The following C3orf20 variants were observed in gnomAD, a reference collection of about 807,000 sequenced individuals.
C3orf20 encodes the protein uncharacterized protein C3orf20.
In C3orf20, 76 loss-of-function variants were observed where a neutral mutation model predicts 88.3. The ratio of observed to expected loss-of-function variants is 0.86; its 90% confidence interval spans 0.72 to 1.04. The LOEUF (loss-of-function observed/expected upper bound fraction) is 1.04, where lower values mean the gene tolerates loss of function less well. Ranked by LOEUF, C3orf20 falls within the 50% of genes least tolerant of loss-of-function variation. The pLI, the probability that C3orf20 is intolerant of heterozygous loss-of-function variation, is 0.00. For missense variants in C3orf20, 1,056 were observed against 1,123.3 expected, an observed-to-expected ratio of 0.94 and a Z score of 0.86; for synonymous variants, 436 against 437.4, an observed-to-expected ratio of 1.00 and a Z score of 0.04.
chr3:14,756,028 C>CAAA (rs56242160), intron 12 of C3orf20, among the ~76,000 whole-genome samples: 3 of 72,726 alleles, frequency 4.1e-5, no homozygotes, highest in Non-Finnish European at 7.7e-5. Context: ...GACTCCATCT[C>CAAA]AAAAAAAAAA....
chr3:14,769,982 A>C (rs1406654719), intron 15 of C3orf20, among the ~76,000 whole-genome samples: 1 of 152,140 alleles, frequency 6.6e-6, no homozygotes, highest in African/African-American at 2.4e-5. Context: ...CTTCTTTCCG[A>C]GCCTTTTCCC....
intron 12 of C3orf20, among the ~76,000 whole-genome samples, chr3:14,750,785 T>C (rs183848774): frequency 6.7e-6 from 1 of 148,984 alleles, no homozygotes; most frequent in Admixed American, 6.6e-5. Context: ...TAGATCTCTT[T>C]GAATTTATCC....
chr3:14,726,996 G>T lies in C3orf20; in HGVS notation c.1662G>T (p.Gln554His). Residue 554 changes from glutamine (Q) to histidine (H), a missense_variant, in exon 11 of 17, where the codon CAG becomes CAT. Physicochemically the swap from Gln to His is conservative, Grantham distance 24. Transcript: ENST00000253697. Reference sequence around the variant, plus strand: ...AGCGGTTTCAGAAGACAGTGACTCAGTTCATTAATTCTATCTTGCTGGCCG... The same window carrying T: ...AGCGGTTTCAGAAGACAGTGACTCATTTCATTAATTCTATCTTGCTGGCCG... ...IKKRFQKTVT[Q>H]FINSILLAAG... 1 of 1,614,166 alleles carries T rather than the reference G, an allele frequency of 6.2e-7. No individual in the cohort carries two copies. Among genetic ancestry groups the T allele is most frequent in the Admixed American group, 1.7e-5 (1 of 60,022 alleles).
intron 15 of C3orf20, among the ~76,000 whole-genome samples, chr3:14,766,506 C>T (rs1356947737): frequency 2.0e-5 from 3 of 152,232 alleles, no homozygotes; most frequent in Admixed American, 2.0e-4. Context: ...TGCACCATGT[C>T]CACCTGCACA....
At chr3:14,681,505 C>T (rs1285407792) in intron 1 of C3orf20, among the ~76,000 whole-genome samples, 1 of 152,148 alleles carries the variant, frequency 6.6e-6, no homozygotes, top group African/African-American at 2.4e-5. Context: ...TGGAGTTGGG[C>T]AACAGGAACA....
intron 14 of C3orf20, among the ~76,000 whole-genome samples, chr3:14,760,206 C>A (rs2035517201): frequency 6.6e-6 from 1 of 152,234 alleles, no homozygotes; most frequent in Non-Finnish European, 1.5e-5. Flanking sequence ...AAGCCCAGGA[C>A]CCTATGTGTC....
chr3:14,686,794 A>G (rs1401567988), intron 4 of C3orf20, among the ~76,000 whole-genome samples: 3 of 152,218 alleles, frequency 2.0e-5, no homozygotes, highest in Non-Finnish European at 2.9e-5. Context: ...AAAAAATTCT[A>G]TCTCCTAACT....
At position 14,768,913 on chromosome 3, in the gene C3orf20, T is replaced by C. The variant is rs1475279038; in HGVS notation, c.2496-3154T>C. 2.0e-5 allele frequency among the ~76,000 whole-genome samples: 3 copies of C among 152,066 alleles called. No individual in the cohort carries two copies. Among genetic ancestry groups the C allele is most frequent in the Non-Finnish European group, 4.4e-5 (3 of 68,006 alleles). On this transcript the variant is annotated intron_variant, in intron 15 of 16. Coordinates refer to ENST00000253697, the MANE Select transcript of C3orf20 (RefSeq NM_032137.5). This position sits in a 1 kb window ranked among gnomAD's most constrained non-coding sequence, Gnocchi z 4.1. ...CAAGGATGGTCTCAGAATCAACCTC[T>C]AGATTAGTCTTCCAGAGAAGCACCT... is the stretch of plus-strand genomic sequence containing the variant.
At chr3:14,750,677 T>TA (rs2035194369) in intron 12 of C3orf20, among the ~76,000 whole-genome samples, 1 of 152,214 alleles carries the variant, frequency 6.6e-6, no homozygotes, top group Admixed American at 6.5e-5. Flanking sequence ...AATTGGCTAT[T>TA]AATCTTATTG....
At chr3:14,711,495 G>T (rs2033735073) in intron 7 of C3orf20, among the ~76,000 whole-genome samples, 1 of 151,842 alleles carries the variant, frequency 6.6e-6, no homozygotes, top group Admixed American at 6.6e-5. Flanking sequence ...CTGTCTTTTG[G>T]TTACAATTTG....
Position 14,764,762 on chromosome 3 carries a change from T to A in C3orf20, c.2495+3147T>A, listed in dbSNP as rs535705158. Reference sequence around the variant, plus strand: ...CTTCCTCACAACATGGTGGCTGGGTTCCAAGAGGGAGCTTCCCAGGAAAGG... The same window carrying A: ...CTTCCTCACAACATGGTGGCTGGGTACCAAGAGGGAGCTTCCCAGGAAAGG... On this transcript the variant is annotated intron_variant, in intron 15 of 16. Coordinates refer to ENST00000253697, the MANE Select transcript of C3orf20 (RefSeq NM_032137.5). 1.2e-3 allele frequency among the ~76,000 whole-genome samples: 187 copies of A among 152,250 alleles called. 1 individual carries two copies. Among genetic ancestry groups the A allele is most frequent in the Middle Eastern group, 0.01 (3 of 294 alleles).
At chr3:14,702,582 A>G (rs2033318564) in intron 5 of C3orf20, among the ~76,000 whole-genome samples, 1 of 152,010 alleles carries the variant, frequency 6.6e-6, no homozygotes, top group Non-Finnish European at 1.5e-5. Flanking sequence ...CTGGAACTAC[A>G]GGTGCACACC....
intron 4 of C3orf20, among the ~76,000 whole-genome samples, chr3:14,685,899 G>A (rs374813292): frequency 9.3e-6 from 1 of 107,212 alleles, no homozygotes; most frequent in African/African-American, 3.7e-5. Context: ...GTCTCGCTCT[G>A]TTGCCACGCT....
intron 4 of C3orf20, among the ~76,000 whole-genome samples, chr3:14,689,554 G>A (rs1304556327): frequency 6.6e-6 from 1 of 152,180 alleles, no homozygotes; most frequent in Non-Finnish European, 1.5e-5. Context: ...TTCTATAAAA[G>A]ATGGTGTGAT....
At chr3:14,709,000 T>C (rs1401303147) in intron 7 of C3orf20, among the ~76,000 whole-genome samples, 1 of 152,170 alleles carries the variant, frequency 6.6e-6, no homozygotes, top group South Asian at 2.1e-4. Flanking sequence ...CAAAATGGTG[T>C]ATAAACAAGA....
chr3:14,705,698 C>G (rs952641248), intron 7 of C3orf20, among the ~76,000 whole-genome samples: 2 of 152,188 alleles, frequency 1.3e-5, no homozygotes, highest in African/African-American at 2.4e-5. Flanking sequence ...CATTTGACCA[C>G]AAGGACTCTG....
At chr3:14,694,999 C>G (rs948187916) in intron 5 of C3orf20, among the ~76,000 whole-genome samples, 2 of 152,136 alleles carry the variant, frequency 1.3e-5, no homozygotes, top group Non-Finnish European at 2.9e-5. Context: ...CCATGTTGAC[C>G]AGGCTGGTCT....
intron 12 of C3orf20, among the ~76,000 whole-genome samples, chr3:14,731,863 C>T (rs532165426): frequency 6.6e-6 from 1 of 152,286 alleles, no homozygotes; most frequent in East Asian, 1.9e-4. Context: ...TAATACATGG[C>T]ATGGATGGGC....
chr3:14,738,815 G>GT (rs71038433), intron 12 of C3orf20, among the ~76,000 whole-genome samples: 1,959 of 97,630 alleles, frequency 0.02, 49 homozygotes, highest in African/African-American at 0.033. Flanking sequence ...TAATTTTTTT[G>GT]TTTTTTTTTT....
Sources: allele counts gnomAD v4.1 joint callset (sites outside exome capture counted in the v4.1 genomes callset), GRCh38; gene constraint gnomAD v4.1.1; non-coding constraint Gnocchi (gnomAD v3.1); transcripts MANE v1.5; gene names NCBI Gene and HGNC (gene_info 2026-07-23, HGNC 2026-07-21).